ACKR2: variants seen among roughly 807,000 people sequenced by gnomAD.
ACKR2 encodes atypical chemokine receptor 2.
For missense variants in ACKR2, 457 were observed against 477.3 expected, an observed-to-expected ratio of 0.96 and a Z score of 0.40; for synonymous variants, 207 against 192.2, an observed-to-expected ratio of 1.08 and a Z score of -0.64.
At chr3:42,863,256 G>T (rs1419769044) in intron 2 of ACKR2, among the ~76,000 whole-genome samples, 3 of 152,132 alleles carry the variant, frequency 2.0e-5, no homozygotes, top group East Asian at 1.9e-4. Flanking sequence ...TGAAAAAAAA[G>T]CTCATCATCA....
intron 2 of ACKR2, among the ~76,000 whole-genome samples, chr3:42,825,861 T>G (rs9825089): frequency 0.97 from 136,662 of 141,560 alleles, 66,138 homozygotes; most frequent in Non-Finnish European, 1. Context: ...GTTTTTTTTT[T>G]TTTGTTTTTT....
intron 2 of ACKR2, among the ~76,000 whole-genome samples, chr3:42,849,816 T>C (rs1701133732): frequency 6.6e-6 from 1 of 152,256 alleles, no homozygotes; most frequent in Admixed American, 6.5e-5. Flanking sequence ...CAGTTCATTA[T>C]GTGTGGAGAA....
intron 2 of ACKR2, among the ~76,000 whole-genome samples, chr3:42,854,603 T>G (rs1352257648): frequency 1.3e-5 from 2 of 152,192 alleles, no homozygotes; most frequent in African/African-American, 4.8e-5. Context: ...CCACACCTGT[T>G]TCTTTATCTG....
In ACKR2 at chr3:42,859,545, A is replaced by AT. The variant is rs904204992; in HGVS notation, c.-37-4912dup. 8.3e-4 allele frequency among the ~76,000 whole-genome samples: 126 copies of AT among 151,170 alleles called. No individual in the cohort carries two copies. The East Asian group carries it at 0.02, about 24-fold the overall frequency. ...AGGCGCCCGCCACCATGCCCAGCTA[A>AT]TTTTTTTTTGTATTTTTAGTAGAGA... On this transcript the variant is annotated intron_variant, in intron 2 of 2. Transcript: ENST00000422265.
intron 1 of ACKR2, among the ~76,000 whole-genome samples, chr3:42,811,162 T>C (rs185267473): frequency 2.0e-5 from 3 of 150,230 alleles, no homozygotes; most frequent in Admixed American, 6.8e-5. Context: ...CATTTCCTCA[T>C]TGTTTTGAAA....
intron 2 of ACKR2, among the ~76,000 whole-genome samples, chr3:42,840,909 C>T (rs951335091): frequency 3.3e-5 from 5 of 152,164 alleles, no homozygotes; most frequent in South Asian, 2.1e-4. Flanking sequence ...AGACTGGTCT[C>T]GAACTCCTGA....
At chr3:42,821,505 C>A (rs1482691140) in intron 2 of ACKR2, among the ~76,000 whole-genome samples, 7 of 152,072 alleles carry the variant, frequency 4.6e-5, no homozygotes, top group Admixed American at 2.0e-4. Flanking sequence ...TGTATTATTA[C>A]CCCCATTTTA....
rs1214250248 is a variant in ACKR2 at position 42,847,956 on chromosome 3, C to A, written c.-37-16510C>A. Among the ~76,000 whole-genome samples the A allele has an allele frequency of 2.0e-5, 3 of 152,122 alleles. No individual in the cohort carries two copies. The East Asian group carries it at 5.8e-4, about 29-fold the overall frequency. The stretch of plus-strand genomic sequence containing the variant: ...CACAAAGGCTCAGAGGTCTCCCAAC[C>A]ACCTGCCCTGCATACCAGGGAGTGT... On this transcript the variant is annotated intron_variant, in intron 2 of 2. Coordinates refer to ENST00000422265, the MANE Select transcript of ACKR2 (RefSeq NM_001296.5).
At chr3:42,816,601 A>G (rs1004854913) in intron 1 of ACKR2, among the ~76,000 whole-genome samples, 8 of 151,402 alleles carry the variant, frequency 5.3e-5, no homozygotes, top group Non-Finnish European at 1.0e-4. Flanking sequence ...TTTGTCACCC[A>G]GGCTGGAGTG....
At chr3:42,857,394 A>G (rs1198064121) in intron 2 of ACKR2, among the ~76,000 whole-genome samples, 2 of 152,074 alleles carry the variant, frequency 1.3e-5, no homozygotes, top group African/African-American at 2.4e-5. Flanking sequence ...GAAAGAAGAA[A>G]GGGGCTGGTG....
chr3:42,864,462 G>A lies in ACKR2; in HGVS notation c.-37-4G>A, dbSNP rs368912306. 6.5e-5 allele frequency: 101 copies of A among 1,543,834 alleles called. No homozygotes were observed. The East Asian group carries it at 2.1e-3, about 32-fold the overall frequency. ...CTAGGTCTCACCATATTTTCCCCCC[G>A]CAGCACTACAGGACGTCGGGACTGG... On this transcript the variant is annotated splice_polypyrimidine_tract_variant and splice_region_variant and intron_variant, in intron 2 of 2. Coordinates refer to ENST00000422265, the MANE Select transcript of ACKR2 (RefSeq NM_001296.5).
At chr3:42,824,381 A>G (rs1331395884) in intron 2 of ACKR2, among the ~76,000 whole-genome samples, 2 of 152,224 alleles carry the variant, frequency 1.3e-5, no homozygotes, top group African/African-American at 4.8e-5. Flanking sequence ...GACTATATAC[A>G]TAAAATTTGG....
intron 2 of ACKR2, among the ~76,000 whole-genome samples, chr3:42,831,888 G>A (rs1461000386): frequency 6.6e-6 from 1 of 152,170 alleles, no homozygotes; most frequent in Non-Finnish European, 1.5e-5. Flanking sequence ...GTAGGTGAAA[G>A]GTTTGATAGT....
At chr3:42,864,154 G>A (rs2088410313) in intron 2 of ACKR2, among the ~76,000 whole-genome samples, 1 of 152,110 alleles carries the variant, frequency 6.6e-6, no homozygotes, top group South Asian at 2.1e-4. Flanking sequence ...GACACTATAG[G>A]TCTTTTTAAA....
intron 2 of ACKR2, among the ~76,000 whole-genome samples, chr3:42,840,177 G>A (rs1407957676): frequency 4.8e-5 from 7 of 146,184 alleles, no homozygotes; most frequent in East Asian, 4.6e-4. Context: ...GGAGAATGGC[G>A]TGAACCCGGG....
Position 42,864,532 on chromosome 3 carries a change from C to A in ACKR2, c.30C>A (p.Leu10=). MAATASPQP[L]ATEDADSENS... Reference sequence around the variant, plus strand: ...CCGCCACTGCCTCTCCGCAGCCACTCGCCACTGAGGATGCCGATTCTGAGA... The same window carrying A: ...CCGCCACTGCCTCTCCGCAGCCACTAGCCACTGAGGATGCCGATTCTGAGA... Residue 10 remains leucine, a synonymous_variant, in exon 3 of 3, where the codon CTC becomes CTA. Transcript: ENST00000422265. 1.2e-6 allele frequency: 2 copies of A among 1,608,270 alleles called. No homozygotes were observed. Among genetic ancestry groups the A allele is most frequent in the Non-Finnish European group, 1.7e-6 (2 of 1,176,064 alleles).
chr3:42,818,157 C>T (rs1359318986), intron 1 of ACKR2, among the ~76,000 whole-genome samples: 1 of 152,216 alleles, frequency 6.6e-6, no homozygotes, highest in Non-Finnish European at 1.5e-5. Context: ...TCCACAGACT[C>T]CATGTGTCCA....
At chr3:42,828,092 A>ATATATATTTTTTTTTTTTTT (rs1193533555) in intron 2 of ACKR2, among the ~76,000 whole-genome samples, 1 of 121,902 alleles carries the variant, frequency 8.2e-6, no homozygotes, top group African/African-American at 3.2e-5. Context: ...ATATATATAT[A>ATATATATTTTTTTTTTTTTT]TTTTTTTTTT....
chr3:42,821,939 G>A (rs570989509), intron 2 of ACKR2, among the ~76,000 whole-genome samples: 4 of 151,882 alleles, frequency 2.6e-5, no homozygotes, highest in South Asian at 2.1e-4. Context: ...CTCGTGATCC[G>A]CCCGCCTCGG....
Sources: allele counts gnomAD v4.1 joint callset (sites outside exome capture counted in the v4.1 genomes callset), GRCh38; gene constraint gnomAD v4.1.1; transcripts MANE v1.5; gene names NCBI Gene and HGNC (gene_info 2026-07-23, HGNC 2026-07-21).